The following IFT80 variants were observed in gnomAD, a reference collection of about 807,000 sequenced individuals.
IFT80 encodes intraflagellar transport protein 80 homolog.
A neutral mutation model predicts 107.9 loss-of-function variants in IFT80; 79 were observed. That is an observed-to-expected ratio of 0.73 (90% confidence interval 0.61 to 0.88). The LOEUF is 0.88. IFT80 is among the 40% of genes least tolerant of loss of function. The pLI, the probability that IFT80 is intolerant of heterozygous loss-of-function variation, is 0.00. For missense variants in IFT80, 797 were observed against 914.2 expected (o/e 0.87, Z 1.65); for synonymous variants, 299 against 300.9 (o/e 0.99, Z 0.07).
At chr3:160,304,117 C>T (rs1460848402) in intron 10 of IFT80, 128 bp from the exon 11 acceptor site, 3 of 687,774 alleles carry the variant, frequency 4.4e-6, no homozygotes, top group Non-Finnish European at 7.9e-6. Flanking sequence ...ACTTTTATTA[C>T]AGCACTTGGT....
chr3:160,339,695 T>C (rs1322682074), intron 8 of IFT80, among the ~76,000 whole-genome samples: 4 of 152,186 alleles, frequency 2.6e-5, no homozygotes, highest in African/African-American at 4.8e-5. Flanking sequence ...AAGCAAAACA[T>C]AGAAGAAAAT....
intron 19 of IFT80, among the ~76,000 whole-genome samples, chr3:160,267,601 T>A (rs1713443859): frequency 6.6e-6 from 1 of 152,234 alleles, no homozygotes; most frequent in South Asian, 2.1e-4. Flanking sequence ...TGACATGAGC[T>A]CTGTTTCTGC....
At chr3:160,285,938 A>G in intron 12 of IFT80, 70 bp from the exon 13 acceptor site, 2 of 1,057,580 alleles carry the variant, frequency 1.9e-6, no homozygotes, top group Non-Finnish European at 2.9e-6. Flanking sequence ...CAGTGAAACT[A>G]TTATAATCCT....
intron 19 of IFT80, among the ~76,000 whole-genome samples, chr3:160,259,961 A>G (rs1712683056): frequency 1.3e-5 from 2 of 152,228 alleles, no homozygotes; most frequent in South Asian, 4.1e-4. Context: ...AGCAGAATGA[A>G]GTAATCTCAG....
chr3:160,359,799 T>G (rs1488031682), intron 6 of IFT80, among the ~76,000 whole-genome samples: 2 of 152,174 alleles, frequency 1.3e-5, no homozygotes, highest in Non-Finnish European at 2.9e-5. Flanking sequence ...CAGAAAGGAA[T>G]AGCATCAACA....
chr3:160,381,142 C>G (rs1182017574), intron 3 of IFT80, among the ~76,000 whole-genome samples: 1 of 150,258 alleles, frequency 6.7e-6, no homozygotes, highest in Non-Finnish European at 1.5e-5. Context: ...GAGGCTGAGG[C>G]AGGAAGATTG....
Position 160,366,160 on chromosome 3 carries a change from ATG to A in IFT80, c.440-10_440-9del. ...CTGAATACACTGGTGTTCCTGTAAGATGAAAAAAGAAAAAAAAAAGGCTGATA... is the reference window on the plus strand; with the variant it reads ...CTGAATACACTGGTGTTCCTGTAAGAAAAAAAGAAAAAAAAAAGGCTGATA... On this transcript the variant is annotated splice_polypyrimidine_tract_variant and intron_variant, in intron 5 of 19. Coordinates refer to ENST00000326448, the MANE Select transcript of IFT80 (RefSeq NM_020800.3). 6.3e-7 allele frequency: 1 copy of A among 1,577,972 alleles called. No homozygotes were observed. The highest frequency in any genetic ancestry group is 8.7e-7 in the Non-Finnish European group (1 of 1,148,548).
chr3:160,282,781 G>A (rs558904241), intron 13 of IFT80, among the ~76,000 whole-genome samples, 168 bp from the exon 14 acceptor site: 21 of 152,074 alleles, frequency 1.4e-4, no homozygotes, highest in African/African-American at 4.8e-4. Context: ...TATGTTAATC[G>A]TTCAAAAGCT....
In IFT80 at chr3:160,317,812, A is replaced by G. The variant is rs553139394; in HGVS notation, c.957+1948T>C. Reference sequence around the variant, plus strand: ...CTTCAACAAACAAAATGCAGGACAGAAAACAGAGATAGAAGGGGACTCTTC... The same window carrying G: ...CTTCAACAAACAAAATGCAGGACAGGAAACAGAGATAGAAGGGGACTCTTC... On this transcript the variant is annotated intron_variant, in intron 9 of 19. Coordinates refer to ENST00000326448, the MANE Select transcript of IFT80 (RefSeq NM_020800.3). Among the ~76,000 whole-genome samples, 18 of 152,208 alleles carry G rather than the reference A, an allele frequency of 1.2e-4. No homozygotes were observed. The South Asian group carries it at 3.5e-3, about 30-fold the overall frequency.
At chr3:160,339,110 G>T (rs1719702115) in intron 8 of IFT80, among the ~76,000 whole-genome samples, 3 of 152,076 alleles carry the variant, frequency 2.0e-5, no homozygotes, top group Non-Finnish European at 2.9e-5. Context: ...TTATTAATAT[G>T]GGTGGTGGTT....
At chr3:160,352,772 T>C (rs1720806636) in intron 8 of IFT80, among the ~76,000 whole-genome samples, 2 of 152,148 alleles carry the variant, frequency 1.3e-5, no homozygotes, top group African/African-American at 2.4e-5. Flanking sequence ...ACCCAGACAA[T>C]AAGGAATGGA....
chr3:160,357,741 C>G (rs139946438), intron 6 of IFT80, among the ~76,000 whole-genome samples, 163 bp from the exon 7 acceptor site: 1 of 152,242 alleles, frequency 6.6e-6, no homozygotes, highest in East Asian at 1.9e-4. Context: ...TTGCTTGTTT[C>G]ATTTGTAATT....
At chr3:160,394,663 T>C (rs1389791771) in intron 1 of IFT80, among the ~76,000 whole-genome samples, 1 of 151,606 alleles carries the variant, frequency 6.6e-6, no homozygotes, top group African/African-American at 2.4e-5. Flanking sequence ...GCAGGAGAGA[T>C]CACTTGAACC....
chr3:160,261,668 G>A (rs923015285), intron 19 of IFT80, among the ~76,000 whole-genome samples: 2 of 150,882 alleles, frequency 1.3e-5, no homozygotes, highest in Non-Finnish European at 3.0e-5. Flanking sequence ...GGGCTTGGTG[G>A]CATTCATCTC....
intron 8 of IFT80, among the ~76,000 whole-genome samples, chr3:160,333,338 T>TA (rs915911105): frequency 2.6e-5 from 4 of 152,168 alleles, no homozygotes; most frequent in African/African-American, 9.7e-5. Context: ...CTAAAGTTAT[T>TA]AAAAAAATTT....
chr3:160,338,117 C>T (rs1464548249), intron 8 of IFT80, among the ~76,000 whole-genome samples: 14 of 152,102 alleles, frequency 9.2e-5, no homozygotes, highest in Admixed American at 9.2e-4. Context: ...TTCAACCACA[C>T]CCCTCACCCC....
chr3:160,281,550 G>A (rs1022779051), intron 14 of IFT80, among the ~76,000 whole-genome samples: 1 of 152,120 alleles, frequency 6.6e-6, no homozygotes, highest in Admixed American at 6.5e-5. Flanking sequence ...ATAATAATTG[G>A]TTGCAGCCAG....
At chr3:160,323,967 A>C (rs974979723) in intron 8 of IFT80, among the ~76,000 whole-genome samples, 5 of 152,192 alleles carry the variant, frequency 3.3e-5, no homozygotes, top group African/African-American at 1.2e-4. Context: ...ATCCCACAGA[A>C]ATACAAACTA....
chr3:160,299,778 G>A lies in IFT80; in HGVS notation c.1315+1105C>T, dbSNP rs115238899. Among the ~76,000 whole-genome samples, 482 of 152,256 alleles carry A rather than the reference G, an allele frequency of 3.2e-3. 2 individuals carry two copies. Among genetic ancestry groups the A allele is most frequent in the Middle Eastern group, 6.8e-3 (2 of 294 alleles). On this transcript the variant is annotated intron_variant, in intron 12 of 19. Coordinates refer to ENST00000326448, the MANE Select transcript of IFT80 (RefSeq NM_020800.3). ...TGTTCACTCTCATCCCTGCTTGGCT[G>A]TCTAAGAAAGATTTAAACATACCAG...
Sources: allele counts gnomAD v4.1 joint callset (sites outside exome capture counted in the v4.1 genomes callset), GRCh38; gene constraint gnomAD v4.1.1; transcripts MANE v1.5; gene names NCBI Gene and HGNC (gene_info 2026-07-23, HGNC 2026-07-21).